Variants in ARID1B observed in about 807,000 individuals in gnomAD.
ARID1B encodes the protein AT-rich interaction domain 1B, also known as AT-rich interactive domain-containing protein 1B.
In ARID1B, 30 loss-of-function variants were observed where a neutral mutation model predicts 212.3. That is an observed-to-expected ratio of 0.14 (90% CI 0.11 to 0.19). The LOEUF is 0.19. Among genes scored for constraint, ARID1B ranks in the 10% least tolerant of loss-of-function variants. ARID1B has a pLI of 1.00. For missense variants in ARID1B, 2,891 were observed against 3,204.0 expected (o/e 0.90, Z 2.36); for synonymous variants, 1,402 against 1,301.7 (o/e 1.08, Z -1.66).
chr6:157,010,992 T>C (rs1350886637), intron 4 of ARID1B, among the ~76,000 whole-genome samples: 1 of 152,208 alleles, frequency 6.6e-6, no homozygotes, highest in East Asian at 1.9e-4. Flanking sequence ...CCAGGACACC[T>C]CTCATAGTTT....
intron 4 of ARID1B, among the ~76,000 whole-genome samples, chr6:156,948,707 T>A (rs574409888): frequency 6.6e-6 from 1 of 152,352 alleles, no homozygotes; most frequent in Non-Finnish European, 1.5e-5. Flanking sequence ...TTATATTAGA[T>A]GTAAAGAAAA....
intron 12 of ARID1B, 22 bp downstream of exon 12, chr6:157,181,200 G>T (rs2128318047): frequency 1.2e-6 from 2 of 1,609,356 alleles, no homozygotes; most frequent in South Asian, 1.1e-5. Flanking sequence ...TGAGGGAGGG[G>T]GTGAAAAAGG....
Position 157,117,913 on chromosome 6 carries a change from G to A in ARID1B, c.2581+7352G>A, listed in dbSNP as rs554324971. 8.7e-4 allele frequency among the ~76,000 whole-genome samples: 132 copies of A among 152,268 alleles called. 4 individuals carry two copies. The highest frequency in any genetic ancestry group is 8.6e-3 in the Admixed American group (131 of 15,294). On this transcript the variant is annotated intron_variant, in intron 6 of 19. Coordinates refer to ENST00000636930, the MANE Select transcript of ARID1B (RefSeq NM_001374828.1). ...CCATGACTGCACAGCTGTACTTACA[G>A]TGGGTGTCAGTATGAGCCATAGCCC... is the stretch of plus-strand genomic sequence containing the variant.
chr6:156,805,889 C>G (rs1408941185), intron 1 of ARID1B, among the ~76,000 whole-genome samples: 1 of 151,896 alleles, frequency 6.6e-6, no homozygotes. Context: ...GTTGCCTAAA[C>G]TGGTCTCAGA....
chr6:157,009,363 A>G (rs538969508), intron 4 of ARID1B, among the ~76,000 whole-genome samples: 145 of 152,312 alleles, frequency 9.5e-4, no homozygotes, highest in Non-Finnish European at 1.6e-3. Flanking sequence ...TCTTCTCTCA[A>G]TGACCTGGAA....
In ARID1B at chr6:156,955,114, G is replaced by A. The variant is rs1189564599; in HGVS notation, c.2247+19538G>A. Among the ~76,000 whole-genome samples, 1 of 152,204 alleles carries A rather than the reference G, an allele frequency of 6.6e-6. No individual in the cohort carries two copies. Among genetic ancestry groups the A allele is most frequent in the Non-Finnish European group, 1.5e-5 (1 of 68,042 alleles). On this transcript the variant is annotated intron_variant, in intron 4 of 19. Transcript: ENST00000636930. This position sits in a 1 kb window ranked among gnomAD's most constrained non-coding sequence, Gnocchi z 4.2. ...CTGCACCTGAGCTCAAGTGCTCATC[G>A]ACCCTTCCTGGCTGCTGTTGGACTG...
intron 4 of ARID1B, among the ~76,000 whole-genome samples, chr6:156,963,034 G>A (rs917110854): frequency 1.3e-5 from 2 of 151,976 alleles, no homozygotes; most frequent in African/African-American, 2.4e-5. Flanking sequence ...ACCCACCTCG[G>A]CCCTCACAAG....
At position 156,778,050 on chromosome 6, in the gene ARID1B, T is replaced by C. The variant is rs1239463899; in HGVS notation, c.370T>C (p.Ser124Pro). 1.3e-6 allele frequency: 2 copies of C among 1,527,666 alleles called. No homozygotes were observed. Among genetic ancestry groups the C allele is most frequent in the East Asian group, 5.0e-5 (2 of 40,248 alleles). The allele number at this position is 1,527,666 out of a possible 1,614,324, so 94.6% of individuals were successfully genotyped here. A position where few individuals can be genotyped will look rare whatever the true frequency, so the allele number is the denominator to read the frequency against. Residue 124 changes from serine (S) to proline (P), a missense_variant, in exon 1 of 20, where the codon TCC (serine) becomes CCC (proline). Ser to Pro is a moderately conservative substitution (Grantham distance 74, BLOSUM62 -1). Coordinates refer to ENST00000636930, the MANE Select transcript of ARID1B (RefSeq NM_001374828.1). ...AAALSSSSSS[S>P]AAAAAASSSS... ...CGCGCTGTCCTCCTCCTCCTCCTCC[T>C]CCGCGGCGGCAGCGGCGGCATCCTC...
chr6:156,804,557 C>T (rs1781012906), intron 1 of ARID1B, among the ~76,000 whole-genome samples: 1 of 152,072 alleles, frequency 6.6e-6, no homozygotes, highest in African/African-American at 2.4e-5. Flanking sequence ...TAGAAGGCAC[C>T]TCTTCACAGG....
intron 4 of ARID1B, among the ~76,000 whole-genome samples, chr6:157,028,102 T>C (rs1434508645): frequency 2.0e-5 from 3 of 152,118 alleles, no homozygotes; most frequent in African/African-American, 7.2e-5. Flanking sequence ...AATTGGGAAG[T>C]ATTGCTTAAA....
intron 2 of ARID1B, among the ~76,000 whole-genome samples, chr6:156,838,270 C>T (rs1458963369): frequency 6.6e-6 from 1 of 152,032 alleles, no homozygotes; most frequent in Non-Finnish European, 1.5e-5. Context: ...ATGTTAATAG[C>T]AAAAATACGC....
intron 2 of ARID1B, among the ~76,000 whole-genome samples, chr6:156,894,267 C>T (rs150443453): frequency 0.012 from 322 of 26,910 alleles, 1 homozygote; most frequent in African/African-American, 0.047. Context: ...TGGTGCTTGC[C>T]GGGGGTTGGG....
chr6:157,171,645 CTTAT>C (rs1169027499), intron 9 of ARID1B, among the ~76,000 whole-genome samples: 1 of 152,100 alleles, frequency 6.6e-6, no homozygotes, highest in African/African-American at 2.4e-5. Flanking sequence ...AAATTCTATC[CTTAT>C]TTATCTCTCA....
At chr6:157,081,841 A>G (rs1346031634) in intron 4 of ARID1B, among the ~76,000 whole-genome samples, 1 of 152,236 alleles carries the variant, frequency 6.6e-6, no homozygotes, top group Non-Finnish European at 1.5e-5. Context: ...ACTACAATAG[A>G]TGATTTTTCA....
rs935394922 is a variant in ARID1B at position 156,891,777 on chromosome 6, A to G, written c.1987-9599A>G. 4.0e-5 allele frequency among the ~76,000 whole-genome samples: 6 copies of G among 151,724 alleles called. No individual in the cohort carries two copies. In the South Asian group the frequency reaches 1.2e-3, roughly 31 times the overall value. On this transcript the variant is annotated intron_variant, in intron 2 of 19. Transcript: ENST00000636930. The stretch of plus-strand genomic sequence containing the variant: ...GTTCCCTGTTGATGGACATTTAAAC[A>G]TTTAGGCTGTTTCCCTATTTTTGAG...
In ARID1B at chr6:157,167,134, A is replaced by G. The variant is rs868392930; in HGVS notation, c.3184A>G (p.Thr1062Ala). Reference sequence around the variant, plus strand: ...GAACAACAGCTCTAGCCTGATGAACACGCAGGCGCCGCCCTACAGCATGGC... The same window carrying G: ...GAACAACAGCTCTAGCCTGATGAACGCGCAGGCGCCGCCCTACAGCATGGC... ...PMNNSSSLMN[T>A]QAPPYSMAPA... is the part of the protein sequence containing the mutation. Residue 1062 changes from threonine (T) to alanine (A), a missense_variant, in exon 9 of 20, where the codon ACG (threonine) becomes GCG (alanine). Transcript: ENST00000636930. The G allele has an allele frequency of 1.1e-5, 18 of 1,611,320 alleles. No individual in the cohort carries two copies. Among genetic ancestry groups the G allele is most frequent in the African/African-American group, 1.3e-5 (1 of 74,932 alleles).
intron 7 of ARID1B, chr6:157,141,016 G>A (rs562386572): frequency 7.8e-5 from 17 of 216,910 alleles, no homozygotes; most frequent in African/African-American, 3.9e-4. Flanking sequence ...GCATGTAAGA[G>A]GCCCTTAATA....
chr6:157,150,075 C>G (rs138753827), intron 8 of ARID1B: 1 of 152,158 alleles, frequency 6.6e-6, no homozygotes, highest in African/African-American at 2.4e-5. Flanking sequence ...TTTTTGTAAA[C>G]CTGTCTGTGA....
At chr6:156,958,788 AG>A (rs1450433067) in intron 4 of ARID1B, among the ~76,000 whole-genome samples, 1 of 152,206 alleles carries the variant, frequency 6.6e-6, no homozygotes. Flanking sequence ...ATTAAAACCA[AG>A]GGGTGATTGT....
Sources: gnomAD v4.1 joint callset for allele counts (sites outside exome capture counted in the v4.1 genomes callset) on GRCh38, gnomAD v4.1.1 for gene constraint, Gnocchi (gnomAD v3.1) non-coding constraint, MANE v1.5 for transcripts, NCBI Gene and HGNC (gene_info 2026-07-23, HGNC 2026-07-21) for gene names.